Variants in ADAM19 observed in about 807,000 individuals in gnomAD.
The protein encoded by ADAM19 is ADAM metallopeptidase domain 19.
ADAM19 carries 65 observed loss-of-function variants against 114.7 expected under a neutral mutation model. The observed-to-expected ratio is 0.57, with a 90% CI of 0.46 to 0.70. The LOEUF is 0.70. ADAM19 is among the 30% of genes least tolerant of loss of function. The pLI is 0.00. For synonymous variants in ADAM19, 466 were observed against 460.5 expected, an observed-to-expected ratio of 1.01 and a Z score of -0.15; for missense variants, 1,063 against 1,204.7, an observed-to-expected ratio of 0.88 and a Z score of 1.74.
chr5:157,495,977 C>G (rs1438843861), intron 14 of ADAM19, among the ~76,000 whole-genome samples: 3 of 126,570 alleles, frequency 2.4e-5, no homozygotes, highest in Non-Finnish European at 3.1e-5. Flanking sequence ...GTACATCCCT[C>G]TGTCGCTTGG....
chr5:157,491,810 A>T (rs1385828312), intron 17 of ADAM19, 25 bp downstream of exon 17: 1 of 1,614,028 alleles, frequency 6.2e-7, no homozygotes, highest in South Asian at 1.1e-5. Context: ...CCCATGACAC[A>T]GAGAAGCCAG....
chr5:157,497,950 T>G (rs1160971425), intron 13 of ADAM19, among the ~76,000 whole-genome samples: 1 of 152,258 alleles, frequency 6.6e-6, no homozygotes, highest in Non-Finnish European at 1.5e-5. Context: ...GAATCCTTTC[T>G]GAGGCTCAAA....
At chr5:157,497,637 C>T (rs1297978876) in intron 13 of ADAM19, among the ~76,000 whole-genome samples, 2 of 151,866 alleles carry the variant, frequency 1.3e-5, no homozygotes, top group South Asian at 4.2e-4. Context: ...GTTTACAAAG[C>T]ACCTCAGCAA....
chr5:157,520,574 T>C (rs1180236386), intron 5 of ADAM19, among the ~76,000 whole-genome samples: 2 of 152,204 alleles, frequency 1.3e-5, no homozygotes, highest in African/African-American at 4.8e-5. Flanking sequence ...AATTGTCACA[T>C]GCTCTTCAAC....
At chr5:157,522,094 C>G (rs1319254917) in intron 5 of ADAM19, among the ~76,000 whole-genome samples, 1 of 152,178 alleles carries the variant, frequency 6.6e-6, no homozygotes, top group Non-Finnish European at 1.5e-5. Flanking sequence ...AATAAGAATC[C>G]TCATAGTGGC....
chr5:157,569,118 T>C (rs1474927549), intron 2 of ADAM19: 2 of 152,222 alleles, frequency 1.3e-5, no homozygotes, highest in Non-Finnish European at 2.9e-5. Context: ...TGACCATCCA[T>C]TAATTTGTCG....
chr5:157,542,861 G>A (rs1032879936), intron 3 of ADAM19, among the ~76,000 whole-genome samples: 29 of 152,338 alleles, frequency 1.9e-4, no homozygotes, highest in Admixed American at 1.6e-3. Context: ...ACTCTCAGAG[G>A]CCTGTCTACG....
At position 157,479,591 on chromosome 5, in the gene ADAM19, C is replaced by T; in HGVS notation, c.*1358G>A. 1 of 985,948 alleles carries T rather than the reference C, an allele frequency of 1.0e-6. No homozygotes were observed. Among genetic ancestry groups the T allele is most frequent in the Non-Finnish European group, 1.2e-6 (1 of 830,002 alleles). 61.1% of individuals were successfully genotyped at this position (985,948 alleles called of 1,614,324 possible). ...GCTGCAGGGAAGACAGGAGCCACCG[C>T]AGACCCCCTCACCTGCTCAGAGCTC... On this transcript the variant is annotated 3_prime_UTR_variant, in exon 23 of 23. Coordinates refer to ENST00000257527, the MANE Select transcript of ADAM19 (RefSeq NM_033274.5).
chr5:157,561,962 G>T (rs1026061365), intron 3 of ADAM19, among the ~76,000 whole-genome samples: 9 of 152,104 alleles, frequency 5.9e-5, no homozygotes, highest in African/African-American at 2.2e-4. Flanking sequence ...GATCGAGGAG[G>T]TTAAGAACCA....
chr5:157,499,773 C>CG, intron 12 of ADAM19, 111 bp from the exon 13 acceptor site: 1 of 419,702 alleles, frequency 2.4e-6, no homozygotes. Context: ...GCAACTATCT[C>CG]TTTTTTTTTT....
intron 7 of ADAM19, 59 bp from the exon 8 acceptor site, chr5:157,513,564 C>T (rs915338683): frequency 3.5e-6 from 5 of 1,413,788 alleles, no homozygotes; most frequent in Non-Finnish European, 5.0e-6. Context: ...ATGCTTCCTG[C>T]GCCCCATTAC....
At chr5:157,498,124 A>G (rs1212871599) in intron 13 of ADAM19, among the ~76,000 whole-genome samples, 1 of 152,204 alleles carries the variant, frequency 6.6e-6, no homozygotes, top group African/African-American at 2.4e-5. Context: ...GTGACTGAGA[A>G]CAGACCCCCT....
chr5:157,518,872 A>C lies in ADAM19; in HGVS notation c.617T>G (p.Leu206Ter). 6.2e-7 allele frequency: 1 copy of C among 1,614,048 alleles called. No individual in the cohort carries two copies. The highest frequency in any genetic ancestry group is 8.5e-7 in the Non-Finnish European group (1 of 1,179,872). The change falls in exon 7 of 23, where the codon TTA becomes TGA. Residue 206 changes from leucine (L) to a stop codon, truncating the protein, a stop_gained. Coordinates refer to ENST00000257527, the MANE Select transcript of ADAM19 (RefSeq NM_033274.5). LOFTEE classifies it high-confidence loss of function. ...KRPRRMKRED[L>*]NSMKYVELYL... The stretch of plus-strand genomic sequence containing the variant: ...AAGCTCCACATACTTCATGGAGTTT[A>C]AATCTTCCCTTTTCATCTAAGAAAG...
At chr5:157,516,303 A>C (rs1393245980) in intron 7 of ADAM19, among the ~76,000 whole-genome samples, 2 of 152,140 alleles carry the variant, frequency 1.3e-5, no homozygotes, top group Non-Finnish European at 2.9e-5. Context: ...CAGCTGCATG[A>C]ATCACAGCCC....
intron 5 of ADAM19, among the ~76,000 whole-genome samples, 180 bp downstream of exon 5, chr5:157,530,627 A>AT (rs1330376118): frequency 6.6e-6 from 1 of 152,164 alleles, no homozygotes; most frequent in African/African-American, 2.4e-5. Context: ...ATCCCAATGG[A>AT]TTTCTGGATT....
rs749792522 is a variant in ADAM19, at chr5:157,499,659, A to G, written c.1312T>C (p.Cys438Arg). The change falls in exon 13 of 23, where the codon TGT (cysteine) becomes CGT (arginine). Residue 438 changes from cysteine (C) to arginine (R), a missense_variant. Transcript: ENST00000257527. ...EECDCGEEEECNNPCCNASNC... is the reference protein window; with the variant it reads ...EECDCGEEEERNNPCCNASNC... ...GAGGCATTGCAGCAGGGGTTGTTAC[A>G]TTCCTGGGGAGGCAGTGGGGTGGGT... The G allele has an allele frequency of 3.1e-6, 5 of 1,604,780 alleles. No homozygotes were observed. Among genetic ancestry groups the G allele is most frequent in the East Asian group, 2.2e-5 (1 of 44,530 alleles).
At chr5:157,549,581 C>T (rs1757134108) in intron 3 of ADAM19, among the ~76,000 whole-genome samples, 1 of 152,210 alleles carries the variant, frequency 6.6e-6, no homozygotes, top group Admixed American at 6.5e-5. Flanking sequence ...AGGGAAGGCT[C>T]CCCTCTTCCC....
rs146616158 is a variant in ADAM19 at position 157,557,630 on chromosome 5, C to T, written c.251+6743G>A. Among the ~76,000 whole-genome samples the T allele has an allele frequency of 2.1e-3, 316 of 152,294 alleles. 2 individuals are homozygous for T. The highest frequency in any genetic ancestry group is 3.5e-3 in the Admixed American group (53 of 15,294). On this transcript the variant is annotated intron_variant, in intron 3 of 22. Coordinates refer to ENST00000257527, the MANE Select transcript of ADAM19 (RefSeq NM_033274.5). ...AAATAAGCAACAAATTTACTTCTCA[C>T]GGTTCTAGAGTCTGAGAAGTCCAAG...
At position 157,491,627 on chromosome 5, in the gene ADAM19, T is replaced by G. The variant is rs780061330; in HGVS notation, c.2083A>C (p.Met695Leu). Residue 695 changes from methionine (M) to leucine (L), a missense_variant, in exon 18 of 23, where the codon ATG becomes CTG. Met to Leu is a conservative substitution (Grantham distance 15). Around this residue, in one of 3 missense-constraint regions of ADAM19, gnomAD observed 424 missense variants for 445.5 expected, o/e 0.95. Coordinates refer to ENST00000257527, the MANE Select transcript of ADAM19 (RefSeq NM_033274.5). ...GGCTGGCACTCACTCTCAGGGGGCA[T>G]AGGCCCACTGTCGATACTGCCCCCG... Reference protein sequence around the residue: ...GHGGSIDSGPMPPESVGPVVA... With the variant: ...GHGGSIDSGPLPPESVGPVVA... The G allele has an allele frequency of 1.6e-5, 25 of 1,523,242 alleles. No homozygotes were observed. Among genetic ancestry groups the G allele is most frequent in the Admixed American group, 2.1e-5 (1 of 47,154 alleles). The allele number at this position is 1,523,242 out of a possible 1,614,324, so 94.4% of individuals were successfully genotyped here.
Sources: gnomAD v4.1 joint callset for allele counts (sites outside exome capture counted in the v4.1 genomes callset) on GRCh38, gnomAD v4.1.1 for gene constraint, gnomAD v4.1.1 regional missense constraint, MANE v1.5 for transcripts, NCBI Gene and HGNC (gene_info 2026-07-23, HGNC 2026-07-21) for gene names.